CACNA2D3: variants seen among roughly 807,000 people sequenced by gnomAD.
CACNA2D3 encodes the protein calcium voltage-gated channel auxiliary subunit alpha2delta 3, also known as voltage-dependent calcium channel subunit alpha-2/delta-3.
Under a neutral mutation model 160.6 loss-of-function variants are expected in CACNA2D3, and 60 were observed. That is an observed-to-expected ratio of 0.37 (90% CI 0.30 to 0.46). The LOEUF is 0.46. Among genes scored for constraint, CACNA2D3 ranks in the 20% least tolerant of loss-of-function variants. The pLI, the probability that CACNA2D3 is intolerant of heterozygous loss-of-function variation, is 1.00. For synonymous variants in CACNA2D3, 558 were observed against 492.9 expected (o/e 1.13, Z -1.75); for missense variants, 1,205 against 1,365.0 (o/e 0.88, Z 1.85).
intron 29 of CACNA2D3, among the ~76,000 whole-genome samples, chr3:54,981,342 C>T (rs1178912580): frequency 1.3e-5 from 2 of 152,196 alleles, no homozygotes; most frequent in East Asian, 3.9e-4. Flanking sequence ...ACACAGCACA[C>T]CAGATTCACT....
chr3:54,373,346 C>G (rs1698958001), intron 3 of CACNA2D3, among the ~76,000 whole-genome samples: 1 of 152,166 alleles, frequency 6.6e-6, no homozygotes, highest in Non-Finnish European at 1.5e-5. Context: ...TCTTATTACA[C>G]AGGGTCCTTC....
chr3:54,682,161 G>GCACA (rs138753206), intron 11 of CACNA2D3, among the ~76,000 whole-genome samples: 2,452 of 144,762 alleles, frequency 0.017, 35 homozygotes, highest in African/African-American at 0.034. Flanking sequence ...AAACAGAACA[G>GCACA]CACACACACA....
chr3:54,896,613 C>CTT lies in CACNA2D3; in HGVS notation c.2247-136_2247-135insTT. Reference sequence around the variant, plus strand: ...GGGTGCACAGTGTTAAGTGAGGCCCCCTCTATACTGAGAAAGGCAAGTTGG... The same window carrying CTT: ...GGGTGCACAGTGTTAAGTGAGGCCCCTTCTCTATACTGAGAAAGGCAAGTTGG... On this transcript the variant is annotated intron_variant, in intron 25 of 37. Transcript: ENST00000474759. 3 of 960,170 alleles carry CTT rather than the reference C, an allele frequency of 3.1e-6. No individual in the cohort carries two copies. The Admixed American group carries it at 5.4e-5, about 17-fold the overall frequency. The allele number at this position is 960,170 out of a possible 1,614,324, so 59.5% of individuals were successfully genotyped here.
intron 2 of CACNA2D3, among the ~76,000 whole-genome samples, chr3:54,128,637 C>T (rs1418469315): frequency 6.6e-6 from 1 of 152,186 alleles, no homozygotes; most frequent in Non-Finnish European, 1.5e-5. Flanking sequence ...TCTCCTCTGT[C>T]AGACATGAGC....
At chr3:54,968,701 A>G (rs1022085921) in intron 28 of CACNA2D3, among the ~76,000 whole-genome samples, 190 bp downstream of exon 28, 1 of 152,194 alleles carries the variant, frequency 6.6e-6, no homozygotes, top group African/African-American at 2.4e-5. Context: ...CCACATGCTG[A>G]GCAAAGCAGG....
At chr3:54,633,072 A>G (rs1340277217) in intron 10 of CACNA2D3, among the ~76,000 whole-genome samples, 1 of 152,166 alleles carries the variant, frequency 6.6e-6, no homozygotes, top group East Asian at 1.9e-4. Context: ...TGTCTGGGGC[A>G]CCACATGTAA....
intron 2 of CACNA2D3, among the ~76,000 whole-genome samples, chr3:54,155,462 G>C (rs1700229472): frequency 6.6e-6 from 1 of 152,170 alleles, no homozygotes; most frequent in Non-Finnish European, 1.5e-5. Flanking sequence ...CATAACTTCT[G>C]CTCACATCTA....
chr3:54,925,302 G>A, intron 27 of CACNA2D3: 4 of 1,105,000 alleles, frequency 3.6e-6, no homozygotes, highest in Non-Finnish European at 5.2e-6. Context: ...TACAGGTAAT[G>A]TGCTTTCCAG....
chr3:54,371,718 A>C (rs1173754812), intron 3 of CACNA2D3, among the ~76,000 whole-genome samples: 1 of 152,204 alleles, frequency 6.6e-6, no homozygotes, highest in Non-Finnish European at 1.5e-5. Flanking sequence ...AAGGGCTCAG[A>C]AAACTTTGTG....
intron 5 of CACNA2D3, among the ~76,000 whole-genome samples, chr3:54,533,335 T>TTG (rs1701834842): frequency 4.8e-5 from 1 of 20,894 alleles, no homozygotes; most frequent in Non-Finnish European, 1.2e-4. Context: ...TTCTTTCCTT[T>TTG]TTTTTTTTTT....
At chr3:54,435,985 A>C (rs764457548) in intron 4 of CACNA2D3, among the ~76,000 whole-genome samples, 2 of 152,218 alleles carry the variant, frequency 1.3e-5, no homozygotes, top group Non-Finnish European at 2.9e-5. Context: ...AGTGGGAACG[A>C]CAGAGGATAG....
chr3:54,221,414 A>G (rs1701567628), intron 2 of CACNA2D3, among the ~76,000 whole-genome samples: 2 of 152,152 alleles, frequency 1.3e-5, no homozygotes, highest in South Asian at 2.1e-4. Flanking sequence ...TTTCACAATT[A>G]TTTTCACTAG....
chr3:54,519,698 G>A (rs1410804506), intron 5 of CACNA2D3, among the ~76,000 whole-genome samples: 2 of 152,166 alleles, frequency 1.3e-5, no homozygotes, highest in East Asian at 3.8e-4. Flanking sequence ...CCCATTCCAG[G>A]CCTGTGGCAT....
At chr3:54,513,963 G>A (rs754986207) in intron 5 of CACNA2D3, among the ~76,000 whole-genome samples, 12 of 152,084 alleles carry the variant, frequency 7.9e-5, no homozygotes, top group Non-Finnish European at 1.8e-4. Flanking sequence ...ATGAGCCACC[G>A]CACCCAGCCG....
Position 55,048,015 on chromosome 3 carries a change from T to C in CACNA2D3, c.2988-25430T>C, listed in dbSNP as rs1249158595. On this transcript the variant is annotated intron_variant, in intron 35 of 37. Coordinates refer to ENST00000474759, the MANE Select transcript of CACNA2D3 (RefSeq NM_018398.3). ...GAGATTTTGGGCTGAGACAATGGGG[T>C]TTTCTATATATACAATCATGTCATC... Among the ~76,000 whole-genome samples, 297 of 147,156 alleles carry C rather than the reference T, an allele frequency of 2.0e-3. 1 individual carries two copies. The highest frequency in any genetic ancestry group is 7.4e-3 in the African/African-American group (282 of 38,360).
intron 10 of CACNA2D3, among the ~76,000 whole-genome samples, chr3:54,636,553 T>A (rs1699376423): frequency 6.6e-6 from 1 of 151,978 alleles, no homozygotes; most frequent in African/African-American, 2.4e-5. Flanking sequence ...TCTAAAAGTA[T>A]TAAAGCAGCG....
Position 54,565,835 on chromosome 3 carries a change from C to T in CACNA2D3, c.676+2904C>T, listed in dbSNP as rs572468608. ...GATGACTTCATTAGGCTCTATAGTT[C>T]TTACTTTATAAAATGGGAACTCTAC... is the stretch of plus-strand genomic sequence containing the variant. On this transcript the variant is annotated intron_variant, in intron 6 of 37. Transcript: ENST00000474759. Among the ~76,000 whole-genome samples the T allele has an allele frequency of 1.3e-3, 192 of 152,232 alleles. 1 individual carries two copies. Among genetic ancestry groups the T allele is most frequent in the African/African-American group, 4.2e-3 (176 of 41,548 alleles).
chr3:54,646,236 T>G (rs970905843), intron 11 of CACNA2D3, among the ~76,000 whole-genome samples: 2 of 134,738 alleles, frequency 1.5e-5, no homozygotes, highest in Non-Finnish European at 3.2e-5. Context: ...CCTTCCTTCC[T>G]TCCTTCCTTC....
intron 11 of CACNA2D3, among the ~76,000 whole-genome samples, chr3:54,695,859 C>T (rs1036218860): frequency 6.6e-6 from 1 of 152,088 alleles, no homozygotes; most frequent in Non-Finnish European, 1.5e-5. Flanking sequence ...CTGTTATTTG[C>T]CTTCTGATTT....
Sources: gnomAD v4.1 joint callset for allele counts (sites outside exome capture counted in the v4.1 genomes callset) on GRCh38, gnomAD v4.1.1 for gene constraint, MANE v1.5 for transcripts, NCBI Gene and HGNC (gene_info 2026-07-23, HGNC 2026-07-21) for gene names.